Variants in RGS3 observed in about 807,000 individuals in gnomAD.
The protein encoded by RGS3 is regulator of G protein signaling 3.
In RGS3, 80 loss-of-function variants were observed where a neutral mutation model predicts 132.6. That is an observed-to-expected ratio of 0.60 (90% CI 0.50 to 0.73). The LOEUF is 0.73. Among genes scored for constraint, RGS3 ranks in the 30% least tolerant of loss-of-function variants. RGS3 has a pLI of 0.00. For missense variants in RGS3, 1,382 were observed against 1,530.8 expected, an observed-to-expected ratio of 0.90 and a Z score of 1.62; for synonymous variants, 598 against 620.6, an observed-to-expected ratio of 0.96 and a Z score of 0.54.
chr9:113,592,271 G>A (rs1835476474), intron 21 of RGS3: 1 of 152,254 alleles, frequency 6.6e-6, no homozygotes, highest in Non-Finnish European at 1.5e-5. Context: ...TTAGCAAGGT[G>A]AAATGCATAA....
chr9:113,500,681 A>C (rs1387051328), intron 10 of RGS3, among the ~76,000 whole-genome samples: 3 of 149,808 alleles, frequency 2.0e-5, no homozygotes, highest in Non-Finnish European at 3.0e-5. Flanking sequence ...AGGACAAATA[A>C]ATTGACTTTT....
chr9:113,563,813 CAG>C (rs1221232664), intron 19 of RGS3, among the ~76,000 whole-genome samples: 1 of 152,158 alleles, frequency 6.6e-6, no homozygotes, highest in African/African-American at 2.4e-5. Flanking sequence ...GTCAGGAATA[CAG>C]AGTCAGAGAT....
At chr9:113,489,713 A>G (rs1438591878) in intron 7 of RGS3, among the ~76,000 whole-genome samples, 3 of 141,292 alleles carry the variant, frequency 2.1e-5, no homozygotes, top group African/African-American at 8.1e-5. Context: ...TTTTTTTTGT[A>G]GAGACGATGC....
At chr9:113,518,405 T>G (rs1831783370) in intron 16 of RGS3, among the ~76,000 whole-genome samples, 1 of 152,224 alleles carries the variant, frequency 6.6e-6, no homozygotes, top group African/African-American at 2.4e-5. Context: ...GACCCAGGTC[T>G]GCTGCTGGCT....
At chr9:113,451,190 A>AAG (rs1829235456) in intron 1 of RGS3, among the ~76,000 whole-genome samples, 1 of 147,096 alleles carries the variant, frequency 6.8e-6, no homozygotes, top group Non-Finnish European at 1.5e-5. Flanking sequence ...AAAAAAAAGA[A>AAG]AAAAAAAAAA....
At chr9:113,596,970 G>C (rs1323609187) in exon 25 of RGS3, 1 of 1,583,060 alleles carries the variant, frequency 6.3e-7, no homozygotes, top group South Asian at 1.2e-5. Flanking sequence ...CTGGAGTCGA[G>C]CTCAGCGTTC....
chr9:113,486,089 C>A (rs1830323842), intron 7 of RGS3, among the ~76,000 whole-genome samples: 1 of 152,180 alleles, frequency 6.6e-6, no homozygotes, highest in Non-Finnish European at 1.5e-5. Flanking sequence ...AGGACTATTT[C>A]TTTTTTAGTC....
In RGS3 at chr9:113,461,783, C is replaced by T. The variant is rs374086930; in HGVS notation, c.157C>T (p.Leu53Phe). The change falls in exon 2 of 25, where the codon CTC becomes TTC. Residue 53 changes from leucine to phenylalanine, a missense_variant. Coordinates refer to ENST00000350696, the Ensembl canonical transcript of RGS3. ...TCCTGAGTGTTGTACCTGCAGGTTGCTCACAGCCTCTGGAGCCCAAGATAG... is the reference window on the plus strand; with the variant it reads ...TCCTGAGTGTTGTACCTGCAGGTTGTTCACAGCCTCTGGAGCCCAAGATAG... 4.3e-6 allele frequency: 7 copies of T among 1,614,060 alleles called. No individual in the cohort carries two copies. The African/African-American group carries it at 8.0e-5, about 18-fold the overall frequency.
chr9:113,506,422 G>A lies in RGS3; in HGVS notation c.1014G>A (p.Leu338=). The stretch of plus-strand genomic sequence containing the variant: ...CGGAACGGGCAGGGCTGCAGCAGCT[G>A]GACACGGTGCTGCAGCTGAATGAGA... The change falls in exon 12 of 25, where the codon CTG becomes CTA. Residue 338 remains leucine (L), a synonymous_variant. Coordinates refer to ENST00000350696, the Ensembl canonical transcript of RGS3. This position sits in a 1 kb window ranked among gnomAD's most constrained non-coding sequence, Gnocchi z 4.7. 1.9e-6 allele frequency: 3 copies of A among 1,595,922 alleles called. No individual in the cohort carries two copies. Among genetic ancestry groups the A allele is most frequent in the Non-Finnish European group, 2.6e-6 (3 of 1,172,768 alleles).
rs546055849 is a variant in RGS3, at chr9:113,565,094, T to A, written c.2038-18356T>A. 6.9e-6 allele frequency: 8 copies of A among 1,159,778 alleles called. No homozygotes were observed. The African/African-American group carries it at 1.1e-4, about 16-fold the overall frequency. 71.8% of individuals were successfully genotyped at this position (1,159,778 alleles called of 1,614,324 possible). On this transcript the variant is annotated intron_variant, in intron 19 of 24. Coordinates refer to ENST00000350696, the Ensembl canonical transcript of RGS3. This position sits in a 1 kb window ranked among gnomAD's most constrained non-coding sequence, Gnocchi z 5.7. ...TGCCGTTGTGAGGGATGGACGCCTC[T>A]CCCCCGGAGCAGCACTTTGGGGCCA...
At chr9:113,508,425 C>T (rs1588175089) in intron 13 of RGS3, 116 bp from the exon 12 acceptor site, 6 of 999,852 alleles carry the variant, frequency 6.0e-6, no homozygotes, top group Non-Finnish European at 9.3e-6. Flanking sequence ...CTGTTTTTCT[C>T]TTGTGCCCTG....
At chr9:113,480,698 C>T (rs921023480) in intron 4 of RGS3, among the ~76,000 whole-genome samples, 1 of 152,156 alleles carries the variant, frequency 6.6e-6, no homozygotes, top group African/African-American at 2.4e-5. Context: ...ATGCACAGGG[C>T]TAGCAAGTGC....
intron 19 of RGS3, among the ~76,000 whole-genome samples, chr9:113,571,166 G>A (rs982290192): frequency 1.3e-5 from 2 of 152,140 alleles, no homozygotes; most frequent in Non-Finnish European, 2.9e-5. Context: ...ATGAACATTT[G>A]TGTTGTTTAC....
chr9:113,465,432 C>A (rs1564449992), intron 3 of RGS3, among the ~76,000 whole-genome samples: 1 of 126,770 alleles, frequency 7.9e-6, no homozygotes, highest in Non-Finnish European at 1.7e-5. Flanking sequence ...TATTTCCACA[C>A]CTATTTCTGT....
intron 23 of RGS3, 137 bp downstream of exon 21, chr9:113,595,117 G>C: frequency 1.2e-6 from 1 of 830,830 alleles, no homozygotes; most frequent in Non-Finnish European, 1.9e-6. Context: ...CTGTTGCGGA[G>C]GGGCTGAGCC....
intron 14 of RGS3, among the ~76,000 whole-genome samples, chr9:113,509,202 T>C (rs1278361568): frequency 6.6e-6 from 1 of 151,860 alleles, no homozygotes; most frequent in African/African-American, 2.4e-5. Context: ...GGAGAATCAC[T>C]TGAACCTGGG....
At chr9:113,587,046 T>G (rs1354675580) in intron 20 of RGS3, among the ~76,000 whole-genome samples, 1 of 152,198 alleles carries the variant, frequency 6.6e-6, no homozygotes, top group Admixed American at 6.5e-5. Flanking sequence ...ATTTCTCACC[T>G]TCCTGACACT....
intron 19 of RGS3, among the ~76,000 whole-genome samples, chr9:113,552,149 TAA>T (rs1479633104): frequency 6.6e-6 from 1 of 152,178 alleles, no homozygotes; most frequent in Admixed American, 6.5e-5. Flanking sequence ...TTTTAACTCT[TAA>T]TATTTTAATC....
chr9:113,465,906 C>T (rs945841898), intron 3 of RGS3, among the ~76,000 whole-genome samples: 1 of 152,168 alleles, frequency 6.6e-6, no homozygotes, highest in Non-Finnish European at 1.5e-5. Context: ...CCCTGGGTGC[C>T]ATTTGTCGTG....
Sources: gnomAD v4.1 joint callset for allele counts (sites outside exome capture counted in the v4.1 genomes callset) on GRCh38, gnomAD v4.1.1 for gene constraint, Gnocchi (gnomAD v3.1) non-coding constraint, MANE v1.5 for transcripts, NCBI Gene and HGNC (gene_info 2026-07-23, HGNC 2026-07-21) for gene names.